The following RNLS variants were observed in gnomAD, a reference collection of about 807,000 sequenced individuals.
RNLS encodes renalase, FAD dependent amine oxidase, also known as renalase.
Under a neutral mutation model 39.8 loss-of-function variants are expected in RNLS, and 39 were observed. That is an observed-to-expected ratio of 0.98 (90% CI 0.76 to 1.28). The LOEUF (loss-of-function observed/expected upper bound fraction) is 1.28. Among genes scored for constraint, RNLS ranks in the 50% most tolerant of loss-of-function variants. The pLI, the probability that RNLS is intolerant of heterozygous loss-of-function variation, is 0.00. For missense variants in RNLS, 410 were observed against 413.3 expected, an observed-to-expected ratio of 0.99 and a Z score of 0.07; for synonymous variants, 147 against 150.7, an observed-to-expected ratio of 0.98 and a Z score of 0.18.
chr10:88,380,746 T>G (rs1194357936), intron 4 of RNLS, among the ~76,000 whole-genome samples: 1 of 152,120 alleles, frequency 6.6e-6, no homozygotes, highest in Non-Finnish European at 1.5e-5. Context: ...ATCCTATACT[T>G]TCTTCTAGCA....
rs548848771 is a variant in RNLS, at chr10:88,320,876, G to A, written c.701-6235C>T. Among the ~76,000 whole-genome samples, 13 of 146,070 alleles carry A rather than the reference G, an allele frequency of 8.9e-5. No homozygotes were observed. In the East Asian group the frequency reaches 1.4e-3, roughly 16 times the overall value. On this transcript the variant is annotated intron_variant, in intron 5 of 6. Coordinates refer to ENST00000331772, the MANE Select transcript of RNLS (RefSeq NM_001031709.3). Reference sequence around the variant, plus strand: ...TAGGGGGTTTCAACACCATGCTGACGGCACTAGATAGAACACTGAGGCAGA... The same window carrying A: ...TAGGGGGTTTCAACACCATGCTGACAGCACTAGATAGAACACTGAGGCAGA...
At chr10:88,276,890 G>A (rs1842831082) in intron 6 of RNLS, among the ~76,000 whole-genome samples, 1 of 152,086 alleles carries the variant, frequency 6.6e-6, no homozygotes, top group Non-Finnish European at 1.5e-5. Context: ...CTAGGGACAT[G>A]GTATATCCTC....
intron 5 of RNLS, among the ~76,000 whole-genome samples, chr10:88,359,156 T>C (rs962760561): frequency 6.6e-6 from 1 of 151,750 alleles, no homozygotes; most frequent in African/African-American, 2.4e-5. Context: ...CTACTACAAG[T>C]ACAAAAATAA....
intron 4 of RNLS, among the ~76,000 whole-genome samples, chr10:88,372,507 C>T (rs1850645771): frequency 6.6e-6 from 1 of 152,096 alleles, no homozygotes; most frequent in Admixed American, 6.6e-5. Context: ...TTCTCTTTAT[C>T]CGGAGGTCCT....
At chr10:88,308,143 A>G (rs1189751992) in intron 6 of RNLS, among the ~76,000 whole-genome samples, 1 of 152,248 alleles carries the variant, frequency 6.6e-6, no homozygotes, top group Non-Finnish European at 1.5e-5. Flanking sequence ...TGAATTAAGG[A>G]CTTAAGTGAA....
At chr10:88,425,050 A>T (rs1228302436) in intron 4 of RNLS, among the ~76,000 whole-genome samples, 1 of 152,150 alleles carries the variant, frequency 6.6e-6, no homozygotes, top group African/African-American at 2.4e-5. Context: ...AGGATGCTCA[A>T]ATATATTGCC....
At chr10:88,399,793 C>T (rs1852801564) in intron 4 of RNLS, among the ~76,000 whole-genome samples, 1 of 151,994 alleles carries the variant, frequency 6.6e-6, no homozygotes, top group Admixed American at 6.6e-5. Context: ...TATTAGCTCC[C>T]TGTGGTTGCT....
chr10:88,534,526 T>C (rs1847631751), intron 4 of RNLS, among the ~76,000 whole-genome samples: 1 of 152,126 alleles, frequency 6.6e-6, no homozygotes, highest in African/African-American at 2.4e-5. Flanking sequence ...ACACCTGAGA[T>C]TGGTGCTAGC....
exon 7 of RNLS, chr10:88,274,102 A>C (rs1589442107): frequency 6.6e-6 from 1 of 152,206 alleles, no homozygotes; most frequent in Non-Finnish European, 1.5e-5. Flanking sequence ...TGCTAGAGAG[A>C]GGGGCCTCAC....
chr10:88,389,316 G>GT lies in RNLS; in HGVS notation c.527-26592dup, dbSNP rs921358412. Among the ~76,000 whole-genome samples, 11 of 151,218 alleles carry GT rather than the reference G, an allele frequency of 7.3e-5. No homozygotes were observed. The East Asian group carries it at 7.7e-4, about 11-fold the overall frequency. ...ATGTCTCCTAACAGAACTGTGCTGG[G>GT]TTTTTTTTTGTTATTGTTGTTTTCT... On this transcript the variant is annotated intron_variant, in intron 4 of 6. Transcript: ENST00000331772.
At chr10:88,269,413 G>T (rs796111399), downstream of RNLS, among the ~76,000 whole-genome samples, 1 of 152,164 alleles carries the variant, frequency 6.6e-6, no homozygotes, top group Non-Finnish European at 1.5e-5. Context: ...CTAATTTCAT[G>T]TTTTTTCACT....
chr10:88,460,361 C>T lies in RNLS; in HGVS notation c.527-97636G>A, dbSNP rs1842879063. Among the ~76,000 whole-genome samples, 4 of 152,066 alleles carry T rather than the reference C, an allele frequency of 2.6e-5. No individual in the cohort carries two copies. In the South Asian group the frequency reaches 8.3e-4, roughly 32 times the overall value. On this transcript the variant is annotated intron_variant, in intron 4 of 6. Coordinates refer to ENST00000331772, the MANE Select transcript of RNLS (RefSeq NM_001031709.3). ...TCTTGTTATCTGTACATTTGTAGTT[C>T]CTTCTGCCTGACTTTTCGCATAGCT...
At position 88,285,184 on chromosome 10, in the gene RNLS, G is replaced by A. The variant is rs544683742; in HGVS notation, c.*170C>T. ...AGGAATTTCCATTCTAGCATGGGTT[G>A]TAACTATCAAAATTACAAAATTGAT... On this transcript the variant is annotated 3_prime_UTR_variant, in exon 7 of 7. Transcript: ENST00000331772. 2.6e-5 allele frequency: 34 copies of A among 1,290,344 alleles called. No homozygotes were observed. The highest frequency in any genetic ancestry group is 6.1e-5 in the South Asian group (3 of 49,356). 79.9% of individuals were successfully genotyped at this position (1,290,344 alleles called of 1,614,324 possible).
intron 4 of RNLS, among the ~76,000 whole-genome samples, chr10:88,524,633 T>G (rs530805494): frequency 6.6e-6 from 1 of 151,934 alleles, no homozygotes; most frequent in Non-Finnish European, 1.5e-5. Context: ...ACTAACCACA[T>G]TTCAACAGCT....
chr10:88,548,927 G>A (rs1309898094), intron 4 of RNLS, among the ~76,000 whole-genome samples: 1 of 151,990 alleles, frequency 6.6e-6, no homozygotes, highest in African/African-American at 2.4e-5. Context: ...TAAGGAGAGT[G>A]GGCTGATACA....
chr10:88,429,493 A>C (rs753165630), intron 4 of RNLS, among the ~76,000 whole-genome samples: 4 of 151,952 alleles, frequency 2.6e-5, no homozygotes, highest in Non-Finnish European at 5.9e-5. Context: ...TCAAAAAGAC[A>C]AAGGTGGCTG....
the RNLS span, among the ~76,000 whole-genome samples, chr10:88,179,909 TAA>T: frequency 2.9e-4 from 44 of 152,328 alleles, no homozygotes; most frequent in African/African-American, 8.4e-4. Flanking sequence ...AATGGTTGCT[TAA>T]GAAAAAACCC....
chr10:88,461,679 A>T (rs547962658), intron 4 of RNLS, among the ~76,000 whole-genome samples: 52 of 152,220 alleles, frequency 3.4e-4, no homozygotes, highest in African/African-American at 1.2e-3. Flanking sequence ...TTCAATCAAG[A>T]TCTTTGTATC....
chr10:88,561,274 G>A (rs892309893), intron 4 of RNLS, among the ~76,000 whole-genome samples: 16 of 152,180 alleles, frequency 1.1e-4, no homozygotes, highest in African/African-American at 3.4e-4. Context: ...ATGTTTACAG[G>A]TCAAATAGTT....
Sources: allele counts gnomAD v4.1 joint callset (sites outside exome capture counted in the v4.1 genomes callset), GRCh38; gene constraint gnomAD v4.1.1; transcripts MANE v1.5; gene names NCBI Gene and HGNC (gene_info 2026-07-23, HGNC 2026-07-21).